The following RASA3 variants were observed in gnomAD, a reference collection of about 807,000 sequenced individuals.
RASA3 encodes ras GTPase-activating protein 3.
A neutral mutation model predicts 110.0 loss-of-function variants in RASA3; 73 were observed. The ratio of observed to expected loss-of-function variants is 0.66; its 90% CI spans 0.55 to 0.81. RASA3 has a LOEUF of 0.81. RASA3 is among the 30% of genes least tolerant of loss of function. The probability of loss-of-function intolerance (pLI) is 0.00; values close to 1 mark genes in which losing one functional copy is unlikely to be tolerated. For synonymous variants in RASA3, 500 were observed against 451.4 expected (o/e 1.11, Z -1.37); for missense variants, 976 against 1,113.2 (o/e 0.88, Z 1.75).
intron 21 of RASA3, among the ~76,000 whole-genome samples, chr13:113,993,210 G>C (rs993778906): frequency 6.6e-6 from 1 of 152,118 alleles, no homozygotes; most frequent in African/African-American, 2.4e-5. Context: ...GTTCACACCA[G>C]CACACGTCAG....
chr13:114,055,234 T>A (rs996437368), intron 2 of RASA3, among the ~76,000 whole-genome samples: 6 of 152,250 alleles, frequency 3.9e-5, no homozygotes, highest in South Asian at 2.1e-4. Flanking sequence ...TGTGTGCATG[T>A]TCATGCGTGC....
At chr13:114,061,595 T>G (rs111916571) in intron 2 of RASA3, among the ~76,000 whole-genome samples, 20,233 of 148,930 alleles carry the variant, frequency 0.14, 1,760 homozygotes, top group Middle Eastern at 0.22. Context: ...GAGAATCACT[T>G]GAACCTGGGA....
chr13:114,057,605 G>C lies in RASA3; in HGVS notation c.174-5450C>G. 1 of 803,690 alleles carries C rather than the reference G, an allele frequency of 1.2e-6. No individual in the cohort carries two copies. Among genetic ancestry groups the C allele is most frequent in the Non-Finnish European group, 1.5e-6 (1 of 664,430 alleles). 49.8% of individuals were successfully genotyped at this position (803,690 alleles called of 1,614,324 possible). On this transcript the variant is annotated intron_variant, in intron 2 of 23. Transcript: ENST00000334062. The surrounding 1 kb of genome is among the most constrained non-coding windows in gnomAD (Gnocchi z 5.0). Reference sequence around the variant, plus strand: ...TCTCCCCACAATGACTGTGCACAGAGCCAGCCTGACACCCAAGGCCACGAT... The same window carrying C: ...TCTCCCCACAATGACTGTGCACAGACCCAGCCTGACACCCAAGGCCACGAT...
At chr13:114,013,895 T>TC (rs2053719028) in intron 14 of RASA3, among the ~76,000 whole-genome samples, 1 of 83,024 alleles carries the variant, frequency 1.2e-5, no homozygotes, top group Non-Finnish European at 2.1e-5. Flanking sequence ...TCTCTCTCTT[T>TC]TTCTCTCTTT....
rs1262069231 is a variant in RASA3, at chr13:114,011,911, ACT to A, written c.1513-665_1513-664del. ...CACGCCAGCCTGGTGACAGAGCAAG[ACT>A]CTGTCTCAAAAAAAAAGAAGTGCTG... On this transcript the variant is annotated intron_variant, in intron 15 of 23. Transcript: ENST00000334062. This position sits in a 1 kb window ranked among gnomAD's most constrained non-coding sequence, Gnocchi z 4.8. Among the ~76,000 whole-genome samples, 4 of 150,664 alleles carry A rather than the reference ACT, an allele frequency of 2.7e-5. No homozygotes were observed. Among genetic ancestry groups the A allele is most frequent in the African/African-American group, 7.3e-5 (3 of 40,844 alleles).
chr13:114,039,925 G>A (rs1018443418), intron 4 of RASA3, among the ~76,000 whole-genome samples: 6 of 152,184 alleles, frequency 3.9e-5, no homozygotes, highest in South Asian at 2.1e-4. Context: ...CAATGGACAC[G>A]GGAGACCAGA....
In RASA3 at chr13:114,011,122, A is replaced by G; in HGVS notation, c.1590+49T>C. 2.0e-6 allele frequency: 3 copies of G among 1,492,198 alleles called. No homozygotes were observed. Among genetic ancestry groups the G allele is most frequent in the Non-Finnish European group, 1.9e-6 (2 of 1,075,658 alleles). The allele number at this position is 1,492,198 out of a possible 1,614,324, so 92.4% of individuals were successfully genotyped here. ...TTTCACGTGTATTTTCTGAAGAGAG[A>G]AAAGAATCAGTTGTCCCTAAAAAGA... is the stretch of plus-strand genomic sequence containing the variant. On this transcript the variant is annotated intron_variant, in intron 16 of 23. Transcript: ENST00000334062. This position sits in a 1 kb window ranked among gnomAD's most constrained non-coding sequence, Gnocchi z 4.8.
At chr13:114,034,555 T>C (rs7999840) in intron 4 of RASA3, among the ~76,000 whole-genome samples, 107,611 of 152,154 alleles carry the variant, frequency 0.71, 38,890 homozygotes, top group African/African-American at 0.87. Flanking sequence ...GAATCCCTCC[T>C]GACCAGCTGA....
intron 18 of RASA3, among the ~76,000 whole-genome samples, chr13:114,001,599 C>T (rs1177114264): frequency 3.3e-5 from 5 of 150,764 alleles, no homozygotes; most frequent in Admixed American, 1.3e-4. Flanking sequence ...AGAGGACCTA[C>T]GGCCACAGGC....
chr13:114,023,295 T>TC (rs1566492755), intron 8 of RASA3, among the ~76,000 whole-genome samples: 10 of 150,882 alleles, frequency 6.6e-5, no homozygotes, highest in South Asian at 2.1e-4. Flanking sequence ...CATCCCAGGC[T>TC]TGGGGGCATC....
At chr13:114,025,108 T>G (rs1275034090) in intron 7 of RASA3, among the ~76,000 whole-genome samples, 1 of 152,218 alleles carries the variant, frequency 6.6e-6, no homozygotes, top group African/African-American at 2.4e-5. Context: ...GGCTCCGTCC[T>G]GCCCGGCCTC....
chr13:114,016,346 G>C (rs1274310723), intron 12 of RASA3, 75 bp from the exon 13 acceptor site: 1 of 1,148,898 alleles, frequency 8.7e-7, no homozygotes, highest in Non-Finnish European at 1.3e-6. Context: ...AGGGGTCTCA[G>C]GCCTGGCTGA....
At chr13:114,008,564 C>T (rs1241434645) in intron 17 of RASA3, among the ~76,000 whole-genome samples, 1 of 40,208 alleles carries the variant, frequency 2.5e-5, no homozygotes, top group African/African-American at 2.2e-4. Flanking sequence ...CCCCACGCAC[C>T]GCGTTCCTGA....
rs1274732652 is a variant in RASA3, at chr13:114,013,878, ATCTCTGTC to A, written c.1406-638_1406-631del. ...TGTCTCTCTCCCTGTCTCTCTCCCT[ATCTCTGTC>A]TCTCTCTTTTTCTCTCTTTCTCTGT... On this transcript the variant is annotated intron_variant, in intron 14 of 23. Transcript: ENST00000334062. 3.9e-4 allele frequency among the ~76,000 whole-genome samples: 11 copies of A among 28,278 alleles called. 1 individual carries two copies. Among genetic ancestry groups the A allele is most frequent in the East Asian group, 2.8e-3 (2 of 720 alleles). 18.6% of individuals were successfully genotyped at this position (28,278 alleles called of 152,430 possible).
chr13:114,041,212 G>T, intron 3 of RASA3, 118 bp from the exon 4 acceptor site: 1 of 903,748 alleles, frequency 1.1e-6, no homozygotes, highest in African/African-American at 1.6e-5. Context: ...ATTCAGAATG[G>T]GGCACCGGCC....
chr13:114,059,466 C>T (rs557406453), intron 2 of RASA3, among the ~76,000 whole-genome samples: 5 of 152,382 alleles, frequency 3.3e-5, no homozygotes, highest in African/African-American at 7.2e-5. Context: ...GGTGCCCACA[C>T]GGGCCTTGCC....
Position 114,016,992 on chromosome 13 carries a change from T to A in RASA3, c.1206+245A>T, listed in dbSNP as rs1425864552. Among the ~76,000 whole-genome samples the A allele has an allele frequency of 2.0e-5, 3 of 152,334 alleles. No individual in the cohort carries two copies. The East Asian group carries it at 5.8e-4, about 29-fold the overall frequency. On this transcript the variant is annotated intron_variant, in intron 12 of 23. Transcript: ENST00000334062. ...GAAGAGCCAGGCTTTTCTTGCATGT[T>A]CTCCTTTGTGGAGTGGTGGATTTTC...
intron 1 of RASA3, among the ~76,000 whole-genome samples, chr13:114,101,017 C>T (rs2080053433): frequency 6.6e-6 from 1 of 152,184 alleles, no homozygotes; most frequent in Non-Finnish European, 1.5e-5. Flanking sequence ...GAGCGTCAGC[C>T]TGTGTCAGGC....
intron 3 of RASA3, among the ~76,000 whole-genome samples, chr13:114,051,069 C>G (rs1443096595): frequency 6.6e-6 from 1 of 152,184 alleles, no homozygotes; most frequent in East Asian, 1.9e-4. Flanking sequence ...GGACCGGGAC[C>G]CCGCCCACGC....
Sources: allele counts gnomAD v4.1 joint callset (sites outside exome capture counted in the v4.1 genomes callset), GRCh38; gene constraint gnomAD v4.1.1; non-coding constraint Gnocchi (gnomAD v3.1); transcripts MANE v1.5; gene names NCBI Gene and HGNC (gene_info 2026-07-23, HGNC 2026-07-21).